Variants in PCDHGA5 observed in about 807,000 individuals in gnomAD.
PCDHGA5 encodes the protein protocadherin gamma-A5.
PCDHGA5 carries 36 observed loss-of-function variants against 56.7 expected under a neutral mutation model. The ratio of observed to expected loss-of-function variants is 0.64; its 90% CI spans 0.49 to 0.84. The LOEUF is 0.84. Among genes scored for constraint, PCDHGA5 ranks in the 40% least tolerant of loss-of-function variants. PCDHGA5 has a pLI of 0.00. For missense variants in PCDHGA5, 1,305 were observed against 1,201.5 expected (o/e 1.09, Z -1.27); for synonymous variants, 563 against 520.2 (o/e 1.08, Z -1.12).
In PCDHGA5 at chr5:141,489,098, T is replaced by C; in HGVS notation, c.2422-5709T>C. 1 of 293,346 alleles carries C rather than the reference T, an allele frequency of 3.4e-6. No homozygotes were observed. The highest frequency in any genetic ancestry group is 5.5e-5 in the South Asian group (1 of 18,124). The allele number at this position is 293,346 out of a possible 1,614,324, so 18.2% of individuals were successfully genotyped here. A position where few individuals can be genotyped will look rare whatever the true frequency, so the allele number is the denominator to read the frequency against. ...CCCCCGCCACTCGGTGACTAAGAAC[T>C]GCTGCAAGCAGGCAAACCTCCGAGC... On this transcript the variant is annotated intron_variant, in intron 1 of 3. Transcript: ENST00000518069. The surrounding 1 kb of genome is among the most constrained non-coding windows in gnomAD (Gnocchi z 4.5).
chr5:141,402,801 G>A, intron 1 of PCDHGA5: 6 of 1,078,624 alleles, frequency 5.6e-6, no homozygotes, highest in Non-Finnish European at 7.6e-6. Context: ...CACAAAACCC[G>A]GCAGATACCA....
rs539620413 is a variant in PCDHGA5, at chr5:141,488,489, G to GT, written c.2422-6317dup. Among the ~76,000 whole-genome samples the GT allele has an allele frequency of 1.6e-4, 25 of 152,268 alleles. No homozygotes were observed. In the South Asian group the frequency reaches 4.6e-3, roughly 28 times the overall value. On this transcript the variant is annotated intron_variant, in intron 1 of 3. Transcript: ENST00000518069. ...AGAAATGTTCCCCTACCCAAAAACT[G>GT]TAACACTCATTCCACATTTGGGGTC...
chr5:141,415,684 A>G, intron 1 of PCDHGA5: 2 of 1,437,842 alleles, frequency 1.4e-6, no homozygotes, highest in Non-Finnish European at 1.9e-6. Flanking sequence ...TTGCGGCATG[A>G]TGGTGGAAAG....
At position 141,491,825 on chromosome 5, in the gene PCDHGA5, C is replaced by A. The variant is rs948385010; in HGVS notation, c.2422-2982C>A. ...CGGCTTGGTCGCTGGCTGCGCTCCA[C>A]CCGATTCTCGGGATCATTGGACCGT... On this transcript the variant is annotated intron_variant, in intron 1 of 3. Coordinates refer to ENST00000518069, the MANE Select transcript of PCDHGA5 (RefSeq NM_018918.3). This position sits in a 1 kb window ranked among gnomAD's most constrained non-coding sequence, Gnocchi z 6.9. 145 of 1,478,052 alleles carry A rather than the reference C, an allele frequency of 9.8e-5. No homozygotes were observed. Among genetic ancestry groups the A allele is most frequent in the Non-Finnish European group, 1.3e-4 (142 of 1,114,822 alleles). 91.6% of individuals were successfully genotyped at this position (1,478,052 alleles called of 1,614,324 possible). A position where few individuals can be genotyped will look rare whatever the true frequency, so the allele number is the denominator to read the frequency against.
rs1591273286 is a variant in PCDHGA5, at chr5:141,433,311, T to A, written c.2422-61496T>A. 11 of 870,402 alleles carry A rather than the reference T, an allele frequency of 1.3e-5. No individual in the cohort carries two copies. The East Asian group carries it at 2.9e-4, about 23-fold the overall frequency. 53.9% of individuals were successfully genotyped at this position (870,402 alleles called of 1,614,324 possible). A position where few individuals can be genotyped will look rare whatever the true frequency, so the allele number is the denominator to read the frequency against. On this transcript the variant is annotated intron_variant, in intron 1 of 3. Coordinates refer to ENST00000518069, the MANE Select transcript of PCDHGA5 (RefSeq NM_018918.3). Reference sequence around the variant, plus strand: ...TAGGCTCAAGCAATTATCCCACCTTTGCCTCCGGTGTAACAGGGACTACAG... The same window carrying A: ...TAGGCTCAAGCAATTATCCCACCTTAGCCTCCGGTGTAACAGGGACTACAG...
At chr5:141,471,660 A>G (rs1010236543) in intron 1 of PCDHGA5, 12 of 152,184 alleles carry the variant, frequency 7.9e-5, no homozygotes, top group Non-Finnish European at 1.8e-4. Flanking sequence ...GTGGGGATGC[A>G]GAAAAAAATA....
At chr5:141,369,327 T>G (rs1766164391) in intron 1 of PCDHGA5, among the ~76,000 whole-genome samples, 1 of 152,160 alleles carries the variant, frequency 6.6e-6, no homozygotes, top group African/African-American at 2.4e-5. Context: ...GAAGAAACAG[T>G]ACATTTCAGG....
chr5:141,418,908 C>G, intron 1 of PCDHGA5: 3 of 1,613,932 alleles, frequency 1.9e-6, no homozygotes, highest in Non-Finnish European at 2.5e-6. Flanking sequence ...ATAATCATCA[C>G]GTCACTCTCT....
chr5:141,477,951 G>T lies in PCDHGA5; in HGVS notation c.2422-16856G>T. 3 of 1,614,120 alleles carry T rather than the reference G, an allele frequency of 1.9e-6. No homozygotes were observed. The highest frequency in any genetic ancestry group is 2.5e-6 in the Non-Finnish European group (3 of 1,180,024). Reference sequence around the variant, plus strand: ...GCCTGGCTCTCCTACAGTCTCTTGGGATCCCCTAACCAGAGCCTTTTTGCC... The same window carrying T: ...GCCTGGCTCTCCTACAGTCTCTTGGTATCCCCTAACCAGAGCCTTTTTGCC... On this transcript the variant is annotated intron_variant, in intron 1 of 3. Transcript: ENST00000518069. The surrounding 1 kb of genome is among the most constrained non-coding windows in gnomAD (Gnocchi z 4.9).
intron 1 of PCDHGA5, among the ~76,000 whole-genome samples, chr5:141,382,187 A>G (rs527857463): frequency 6.6e-6 from 1 of 152,216 alleles, no homozygotes; most frequent in Non-Finnish European, 1.5e-5. Flanking sequence ...AAGGTTCTAT[A>G]CAATCAAAAA....
At chr5:141,376,211 G>A (rs1772408440) in intron 1 of PCDHGA5, 1 of 1,614,180 alleles carries the variant, frequency 6.2e-7, no homozygotes, top group Admixed American at 1.7e-5. Context: ...CTTCGTCATC[G>A]TGCTGCTGGC....
Position 141,432,979 on chromosome 5 carries a change from TGTGGGC to T in PCDHGA5, c.2422-61823_2422-61818del. 1 of 1,614,228 alleles carries T rather than the reference TGTGGGC, an allele frequency of 6.2e-7. No individual in the cohort carries two copies. On this transcript the variant is annotated intron_variant, in intron 1 of 3. Coordinates refer to ENST00000518069, the MANE Select transcript of PCDHGA5 (RefSeq NM_018918.3). The surrounding 1 kb of genome is among the most constrained non-coding windows in gnomAD (Gnocchi z 6.0). ...TGACAGGAGCGCCGGCGTCGCACTTTGTGGGCGTGGACGGGGTGCAGGCTTTCCTGC... is the reference window on the plus strand; with the variant it reads ...TGACAGGAGCGCCGGCGTCGCACTTTGTGGACGGGGTGCAGGCTTTCCTGC...
At chr5:141,427,187 C>T (rs1318380362) in intron 1 of PCDHGA5, 1 of 456,574 alleles carries the variant, frequency 2.2e-6, no homozygotes, top group Middle Eastern at 3.3e-4. Flanking sequence ...AAATTAAATC[C>T]AAAGACTTAA....
intron 1 of PCDHGA5, among the ~76,000 whole-genome samples, chr5:141,455,860 A>T (rs1032468147): frequency 1.4e-5 from 2 of 139,848 alleles, no homozygotes; most frequent in South Asian, 2.3e-4. Context: ...AATTTCTTTT[A>T]TTATTTATTT....
chr5:141,468,680 C>T (rs1176643092), intron 1 of PCDHGA5: 1 of 151,074 alleles, frequency 6.6e-6, no homozygotes, highest in Non-Finnish European at 1.5e-5. Flanking sequence ...TCCTGGCTAA[C>T]ACGGTGAAAC....
At position 141,410,457 on chromosome 5, in the gene PCDHGA5, A is replaced by G. The variant is rs372920524; in HGVS notation, c.2421+43706A>G. 1.2e-6 allele frequency: 2 copies of G among 1,614,044 alleles called. No homozygotes were observed. ...AGTGAGGGGACTTTGCCTTATTCTTATAATCTGTGCATTGCACATACGGGT... is the reference window on the plus strand; with the variant it reads ...AGTGAGGGGACTTTGCCTTATTCTTGTAATCTGTGCATTGCACATACGGGT... On this transcript the variant is annotated intron_variant, in intron 1 of 3. Transcript: ENST00000518069.
intron 1 of PCDHGA5, chr5:141,410,011 G>T (rs2095347816): frequency 6.2e-7 from 1 of 1,613,184 alleles, no homozygotes; most frequent in South Asian, 1.1e-5. Context: ...ACAACGCCTG[G>T]CTGTCCTACC....
chr5:141,456,093 T>G (rs1362649283), intron 1 of PCDHGA5, among the ~76,000 whole-genome samples: 1 of 151,986 alleles, frequency 6.6e-6, no homozygotes, highest in Non-Finnish European at 1.5e-5. Context: ...GAGACGGGAT[T>G]TCACCGTGTT....
chr5:141,494,153 G>T (rs2099752286), intron 1 of PCDHGA5, among the ~76,000 whole-genome samples: 1 of 152,186 alleles, frequency 6.6e-6, no homozygotes, highest in Non-Finnish European at 1.5e-5. Flanking sequence ...CCATTGTCTG[G>T]CACGGAGTTC....
Sources: gnomAD v4.1 joint callset for allele counts (sites outside exome capture counted in the v4.1 genomes callset) on GRCh38, gnomAD v4.1.1 for gene constraint, Gnocchi (gnomAD v3.1) non-coding constraint, MANE v1.5 for transcripts, NCBI Gene and HGNC (gene_info 2026-07-23, HGNC 2026-07-21) for gene names.